The following CPS1 variants were observed in gnomAD, a reference collection of about 807,000 sequenced individuals.
The protein encoded by CPS1 is carbamoyl-phosphate synthase [ammonia], mitochondrial.
In CPS1, 109 loss-of-function variants were observed where a neutral mutation model predicts 174.6. The observed-to-expected ratio is 0.62, with a 90% CI of 0.53 to 0.73. The LOEUF is 0.73. Ranked by LOEUF, CPS1 falls within the 30% of genes least tolerant of loss-of-function variation. CPS1 has a pLI of 0.00. For missense variants in CPS1, 1,689 were observed against 1,821.9 expected (o/e 0.93, Z 1.33); for synonymous variants, 637 against 632.0 (o/e 1.01, Z -0.12).
At chr2:210,628,389 C>G (rs1699756377) in intron 21 of CPS1, among the ~76,000 whole-genome samples, 1 of 152,170 alleles carries the variant, frequency 6.6e-6, no homozygotes, top group Non-Finnish European at 1.5e-5. Context: ...CTAGCATTTT[C>G]CCACATCCTC....
intron 36 of CPS1, among the ~76,000 whole-genome samples, chr2:210,676,564 A>C (rs1701543271): frequency 6.6e-6 from 1 of 152,222 alleles, no homozygotes; most frequent in South Asian, 2.1e-4. Context: ...CATTGTGTTC[A>C]AACCTTAGCA....
At chr2:210,530,764 AT>A (rs1305375673) in intron 1 of CPS1, among the ~76,000 whole-genome samples, 1 of 151,914 alleles carries the variant, frequency 6.6e-6, no homozygotes, top group Non-Finnish European at 1.5e-5. Context: ...TATTTCTGTT[AT>A]GCATGTAGCT....
intron 1 of CPS1, among the ~76,000 whole-genome samples, chr2:210,497,837 G>A (rs1190939878): frequency 6.8e-6 from 1 of 147,354 alleles, no homozygotes; most frequent in Non-Finnish European, 1.5e-5. Flanking sequence ...ATTCTGAAGA[G>A]TGCTGCAATA....
At chr2:210,590,031 G>A in intron 7 of CPS1, 75 bp from the exon 8 acceptor site, 3 of 1,587,874 alleles carry the variant, frequency 1.9e-6, no homozygotes, top group Admixed American at 3.3e-5. Context: ...GGTTAGTCAA[G>A]AGAAAGTCTA....
intron 1 of CPS1, among the ~76,000 whole-genome samples, chr2:210,487,177 T>C (rs1694753863): frequency 6.6e-6 from 1 of 152,194 alleles, no homozygotes; most frequent in South Asian, 2.1e-4. Flanking sequence ...TATTCTTAAC[T>C]TTCTCAGAAG....
chr2:210,647,797 A>T lies in CPS1; in HGVS notation c.3142-66A>T, dbSNP rs567503825. 5.3e-5 allele frequency: 80 copies of T among 1,510,164 alleles called. No homozygotes were observed. In the African/African-American group the frequency reaches 9.7e-4, roughly 18 times the overall value. The allele number at this position is 1,510,164 out of a possible 1,614,324, so 93.5% of individuals were successfully genotyped here. A position where few individuals can be genotyped will look rare whatever the true frequency, so the allele number is the denominator to read the frequency against. ...TTATCAGTAAGGAAATAGACACAAT[A>T]TTAGCATAGTTGTCCATTCATAATG... On this transcript the variant is annotated intron_variant, in intron 25 of 37. Transcript: ENST00000233072.
rs778849476 is a variant in CPS1 at position 210,662,116 on chromosome 2, A to C, written c.3928-1007A>C. On this transcript the variant is annotated intron_variant, in intron 32 of 37. Transcript: ENST00000233072. ...TTTTTAGTAGAGATGGGGTTTTGCC[A>C]TGTTGGCAAAGTTGGTCTTAAACTC... is the stretch of plus-strand genomic sequence containing the variant. 3.9e-5 allele frequency among the ~76,000 whole-genome samples: 6 copies of C among 151,908 alleles called. No homozygotes were observed. In the South Asian group the frequency reaches 1.2e-3, roughly 32 times the overall value.
intron 9 of CPS1, among the ~76,000 whole-genome samples, chr2:210,591,438 G>A (rs1267221124): frequency 6.6e-6 from 1 of 151,854 alleles, no homozygotes; most frequent in East Asian, 1.9e-4. Flanking sequence ...TATAATTCAG[G>A]TCTGAGCAGT....
intron 1 of CPS1, among the ~76,000 whole-genome samples, chr2:210,514,987 G>T (rs1258150216): frequency 1.3e-5 from 2 of 151,132 alleles, no homozygotes; most frequent in Non-Finnish European, 3.0e-5. Context: ...TCTTTATGTG[G>T]TAAATCGAAT....
intron 1 of CPS1, among the ~76,000 whole-genome samples, chr2:210,494,806 G>A (rs970519430): frequency 6.6e-6 from 1 of 152,164 alleles, no homozygotes; most frequent in Non-Finnish European, 1.5e-5. Context: ...AGCCACATAA[G>A]AAGGAAAGAT....
At chr2:210,665,623 A>G (rs1701069964) in intron 33 of CPS1, among the ~76,000 whole-genome samples, 1 of 151,810 alleles carries the variant, frequency 6.6e-6, no homozygotes, top group Admixed American at 6.6e-5. Context: ...ACGATTTCCA[A>G]TATCATCCAT....
intron 5 of CPS1, among the ~76,000 whole-genome samples, chr2:210,581,946 G>A (rs1697935083): frequency 6.6e-6 from 1 of 152,056 alleles, no homozygotes; most frequent in East Asian, 1.9e-4. Context: ...GTAGTTCAAA[G>A]CAGACTTACT....
intron 1 of CPS1, among the ~76,000 whole-genome samples, chr2:210,561,670 A>G (rs867828497): frequency 6.6e-6 from 1 of 152,128 alleles, no homozygotes; most frequent in African/African-American, 2.4e-5. Flanking sequence ...TTCCTGGGGC[A>G]TTTGCAATGA....
rs772654799 is a variant in CPS1, at chr2:210,677,051, A to G, written c.4319A>G (p.Asn1440Ser). The change falls in exon 37 of 38, where the codon AAC becomes AGC. Residue 1440 changes from asparagine (N) to serine (S), a missense_variant. Coordinates refer to ENST00000233072, the MANE Select transcript of CPS1 (RefSeq NM_001875.5). ...ATTGACCTAGTGATTAACCTTCCCA[A>G]CAACAACACTAAATTTGTCCATGAT... ...GSIDLVINLPNNNTKFVHDNY... is the reference protein window; with the variant it reads ...GSIDLVINLPSNNTKFVHDNY... The G allele has an allele frequency of 2.5e-6, 4 of 1,613,776 alleles. No homozygotes were observed. The highest frequency in any genetic ancestry group is 3.4e-6 in the Non-Finnish European group (4 of 1,179,688).
intron 33 of CPS1, among the ~76,000 whole-genome samples, chr2:210,666,628 G>C (rs1191797089): frequency 1.3e-5 from 2 of 152,156 alleles, no homozygotes; most frequent in Non-Finnish European, 2.9e-5. Flanking sequence ...TCAAAGATCA[G>C]ATAGTTGTAG....
intron 1 of CPS1, among the ~76,000 whole-genome samples, chr2:210,563,685 T>C (rs993897042): frequency 1.3e-5 from 2 of 152,208 alleles, no homozygotes; most frequent in African/African-American, 4.8e-5. Context: ...AGTAGATGAT[T>C]TTTAATAACA....
chr2:210,583,135 A>G (rs188571991), intron 6 of CPS1, among the ~76,000 whole-genome samples: 191 of 152,292 alleles, frequency 1.3e-3, no homozygotes, highest in African/African-American at 4.2e-3. Flanking sequence ...TTTGTGCAGG[A>G]AAAATATTTA....
chr2:210,502,328 T>C (rs1695160327), intron 1 of CPS1, among the ~76,000 whole-genome samples: 1 of 150,624 alleles, frequency 6.6e-6, no homozygotes, highest in Non-Finnish European at 1.5e-5. Context: ...ACTGAAAGCT[T>C]CTAATCCACC....
chr2:210,650,336 C>T (rs747199048), intron 27 of CPS1, 27 bp from the exon 28 acceptor site: 2 of 1,595,160 alleles, frequency 1.3e-6, no homozygotes, highest in Non-Finnish European at 1.7e-6. Context: ...TAAACCTGAC[C>T]TGCTTTTTTT....
Sources: allele counts gnomAD v4.1 joint callset (sites outside exome capture counted in the v4.1 genomes callset), GRCh38; gene constraint gnomAD v4.1.1; transcripts MANE v1.5; gene names NCBI Gene and HGNC (gene_info 2026-07-23, HGNC 2026-07-21).